Variants in ALOX5 observed in about 807,000 individuals in gnomAD.
ALOX5 encodes the protein arachidonate 5-lipoxygenase, also known as polyunsaturated fatty acid 5-lipoxygenase.
A neutral mutation model predicts 87.9 loss-of-function variants in ALOX5; 64 were observed. That is an observed-to-expected ratio of 0.73 (90% CI 0.60 to 0.90). ALOX5 has a LOEUF of 0.90. Among genes scored for constraint, ALOX5 ranks in the 40% least tolerant of loss-of-function variants. The pLI is 0.00. For synonymous variants in ALOX5, 388 were observed against 355.1 expected, an observed-to-expected ratio of 1.09 and a Z score of -1.04; for missense variants, 822 against 907.5, an observed-to-expected ratio of 0.91 and a Z score of 1.21.
At chr10:45,384,115 A>T (rs1839934111) in intron 2 of ALOX5, among the ~76,000 whole-genome samples, 1 of 152,186 alleles carries the variant, frequency 6.6e-6, no homozygotes, top group Admixed American at 6.5e-5. Flanking sequence ...ACTAGTCCTG[A>T]TGCAGGGGGA....
intron 4 of ALOX5, among the ~76,000 whole-genome samples, chr10:45,415,974 G>A (rs1439900596): frequency 6.6e-6 from 1 of 152,152 alleles, no homozygotes; most frequent in African/African-American, 2.4e-5. Context: ...AATCCTCTGA[G>A]GAGCATTAGC....
In ALOX5 at chr10:45,443,013, C is replaced by T. The variant is rs778441503; in HGVS notation, c.1273-25C>T. 3 of 1,601,166 alleles carry T rather than the reference C, an allele frequency of 1.9e-6. No homozygotes were observed. The South Asian group carries it at 3.4e-5, about 18-fold the overall frequency. On this transcript the variant is annotated intron_variant, in intron 9 of 13. Coordinates refer to ENST00000374391, the MANE Select transcript of ALOX5 (RefSeq NM_000698.5). The stretch of plus-strand genomic sequence containing the variant: ...ACAGCTGTGGGAGGAGCCACCCGCT[C>T]AGGGCACTCTACCTCCCACTCCAGG...
intron 7 of ALOX5, among the ~76,000 whole-genome samples, chr10:45,430,266 G>A (rs1015912436): frequency 2.0e-5 from 3 of 152,158 alleles, no homozygotes; most frequent in Non-Finnish European, 4.4e-5. Context: ...GCCACAGAAT[G>A]TTCCTGGGTC....
chr10:45,425,377 T>C lies in ALOX5; in HGVS notation c.834+245T>C, dbSNP rs1841669286. ...TCCATGATGCTCGAGTCTGGGAACATAATGTCAATATTTTCACTATCAGTA... is the reference window on the plus strand; with the variant it reads ...TCCATGATGCTCGAGTCTGGGAACACAATGTCAATATTTTCACTATCAGTA... On this transcript the variant is annotated intron_variant, in intron 6 of 13. Coordinates refer to ENST00000374391, the MANE Select transcript of ALOX5 (RefSeq NM_000698.5). This position sits in a 1 kb window ranked among gnomAD's most constrained non-coding sequence, Gnocchi z 4.4. Among the ~76,000 whole-genome samples, 1 of 152,120 alleles carries C rather than the reference T, an allele frequency of 6.6e-6. No homozygotes were observed. Among genetic ancestry groups the C allele is most frequent in the African/African-American group, 2.4e-5 (1 of 41,396 alleles).
chr10:45,446,065 TA>T lies in ALOX5; in HGVS notation c.*379del, dbSNP rs1842437888. 1.9e-5 allele frequency: 4 copies of T among 210,384 alleles called. No individual in the cohort carries two copies. Among genetic ancestry groups the T allele is most frequent in the Non-Finnish European group, 3.7e-5 (4 of 106,808 alleles). The allele number at this position is 210,384 out of a possible 1,614,324, so 13.0% of individuals were successfully genotyped here. A position where few individuals can be genotyped will look rare whatever the true frequency, so the allele number is the denominator to read the frequency against. Reference sequence around the variant, plus strand: ...CATAGTAGGTACCCAATTCAATTACTATTGAATGAATTAAGAATTGGTTGCC... The same window carrying T: ...CATAGTAGGTACCCAATTCAATTACTTTGAATGAATTAAGAATTGGTTGCC... On this transcript the variant is annotated 3_prime_UTR_variant, in exon 14 of 14. Coordinates refer to ENST00000374391, the MANE Select transcript of ALOX5 (RefSeq NM_000698.5).
Position 45,444,245 on chromosome 10 carries a change from C to T in ALOX5, c.1804C>T (p.Leu602=), listed in dbSNP as rs1240227205. The change falls in exon 13 of 14, where the codon CTG becomes TTG. Residue 602 remains leucine, a synonymous_variant. Transcript: ENST00000374391. ...LPDRGRSCWH[L]GAVWALSQFQ... ...CGACCGCGGCCGCTCCTGCTGGCAT[C>T]TGGGTGCAGTGTGGGCGCTGAGCCA... is the stretch of plus-strand genomic sequence containing the variant. The T allele has an allele frequency of 6.4e-7, 1 of 1,555,388 alleles. No homozygotes were observed. The highest frequency in any genetic ancestry group is 8.7e-7 in the Non-Finnish European group (1 of 1,149,418).
chr10:45,443,061 G>A lies in ALOX5; in HGVS notation c.1296G>A (p.Gly432=), dbSNP rs147327397. ...FDKANATGGG[G]HVQMVQRAMK... ...AGGCCAACGCCACAGGGGGCGGTGG[G>A]CACGTGCAGATGGTGCAGAGGGCCA... Residue 432 remains glycine (G), a synonymous_variant, in exon 10 of 14, where the codon GGG becomes GGA. Coordinates refer to ENST00000374391, the MANE Select transcript of ALOX5 (RefSeq NM_000698.5). 72 of 1,613,084 alleles carry A rather than the reference G, an allele frequency of 4.5e-5. No individual in the cohort carries two copies. In the East Asian group the frequency reaches 1.4e-3, roughly 31 times the overall value.
In ALOX5 at chr10:45,374,307, A is replaced by G. The variant is rs1303433561; in HGVS notation, c.28A>G (p.Thr10Ala). 1.3e-6 allele frequency: 2 copies of G among 1,518,806 alleles called. No homozygotes were observed. The highest frequency in any genetic ancestry group is 1.8e-6 in the Non-Finnish European group (2 of 1,133,894). 94.1% of individuals were successfully genotyped at this position (1,518,806 alleles called of 1,614,324 possible). A position where few individuals can be genotyped will look rare whatever the true frequency, so the allele number is the denominator to read the frequency against. Residue 10 changes from threonine (T) to alanine (A), a missense_variant, in exon 1 of 14, where the codon ACT (threonine) becomes GCT (alanine). Coordinates refer to ENST00000374391, the MANE Select transcript of ALOX5 (RefSeq NM_000698.5). ...GCCCTCCTACACGGTCACCGTGGCC[A>G]CTGGCAGCCAGTGGTTCGCCGGCAC... MPSYTVTVA[T>A]GSQWFAGTDD...
At chr10:45,375,650 T>G (rs1360716737) in intron 1 of ALOX5, among the ~76,000 whole-genome samples, 4 of 152,252 alleles carry the variant, frequency 2.6e-5, no homozygotes, top group African/African-American at 9.6e-5. Context: ...CTAAAGTAAG[T>G]AAAAACTACT....
intron 7 of ALOX5, among the ~76,000 whole-genome samples, chr10:45,430,644 G>A (rs1179511330): frequency 6.6e-6 from 1 of 150,578 alleles, no homozygotes; most frequent in African/African-American, 2.4e-5. Flanking sequence ...AAAAAAAAAA[G>A]AACAGTAATT....
chr10:45,443,699 G>C, intron 11 of ALOX5, 29 bp from the exon 12 acceptor site: 1 of 1,601,474 alleles, frequency 6.2e-7, no homozygotes, highest in Non-Finnish European at 8.5e-7. Flanking sequence ...CAGGGACTGG[G>C]CCTCAGCCCG....
At position 45,443,341 on chromosome 10, in the gene ALOX5, G is replaced by A. The variant is rs537569092; in HGVS notation, c.1452-75G>A. ...ACGGGGTGGGGGAGTCCCAGCGTCC[G>A]TGAGGGGGTTGCCGCCGGGCACCGC... On this transcript the variant is annotated intron_variant, in intron 10 of 13. Coordinates refer to ENST00000374391, the MANE Select transcript of ALOX5 (RefSeq NM_000698.5). The A allele has an allele frequency of 8.2e-5, 130 of 1,591,230 alleles. No homozygotes were observed. In the African/African-American group the frequency reaches 9.1e-4, roughly 11 times the overall value.
At chr10:45,382,147 G>A (rs1016720157) in intron 1 of ALOX5, among the ~76,000 whole-genome samples, 17 of 152,236 alleles carry the variant, frequency 1.1e-4, no homozygotes, top group African/African-American at 3.9e-4. Context: ...GCTAGGGCAG[G>A]TAACTGGGCA....
intron 2 of ALOX5, among the ~76,000 whole-genome samples, chr10:45,395,220 T>C (rs1588998858): frequency 6.6e-6 from 1 of 152,106 alleles, no homozygotes; most frequent in Non-Finnish European, 1.5e-5. Context: ...TGTCCATCAA[T>C]GATAGACTGA....
chr10:45,391,870 C>A (rs1302223740), intron 2 of ALOX5, among the ~76,000 whole-genome samples: 1 of 120,196 alleles, frequency 8.3e-6, no homozygotes, highest in Non-Finnish European at 1.9e-5. Context: ...AAGTGAGGAG[C>A]CCCTCCGCCC....
chr10:45,441,503 T>C (rs1180103218), intron 9 of ALOX5, 73 bp downstream of exon 9: 1 of 1,453,632 alleles, frequency 6.9e-7, no homozygotes, highest in Non-Finnish European at 9.6e-7. Flanking sequence ...ATCTGAGATC[T>C]AGACACCCTT....
intron 2 of ALOX5, among the ~76,000 whole-genome samples, chr10:45,387,277 G>A (rs1410471941): frequency 6.6e-6 from 1 of 152,076 alleles, no homozygotes; most frequent in Non-Finnish European, 1.5e-5. Context: ...TCAATCCTCT[G>A]TGTAGGCACG....
intron 1 of ALOX5, among the ~76,000 whole-genome samples, chr10:45,374,710 C>T (rs1839527865): frequency 6.6e-6 from 1 of 152,228 alleles, no homozygotes; most frequent in Non-Finnish European, 1.5e-5. Context: ...TGCAAGGCGT[C>T]TTCCCTGGGA....
At chr10:45,422,304 A>G (rs1289580475) in intron 4 of ALOX5, among the ~76,000 whole-genome samples, 1 of 152,138 alleles carries the variant, frequency 6.6e-6, no homozygotes, top group East Asian at 1.9e-4. Context: ...ATTCTGCTGG[A>G]TCAGGAGGAT....
Sources: gnomAD v4.1 joint callset for allele counts (sites outside exome capture counted in the v4.1 genomes callset) on GRCh38, gnomAD v4.1.1 for gene constraint, Gnocchi (gnomAD v3.1) non-coding constraint, MANE v1.5 for transcripts, NCBI Gene and HGNC (gene_info 2026-07-23, HGNC 2026-07-21) for gene names.